Variants in TTLL7 observed in about 807,000 individuals in gnomAD.
TTLL7 encodes the protein tubulin tyrosine ligase like 7, also known as tubulin polyglutamylase TTLL7.
Under a neutral mutation model 120.2 loss-of-function variants are expected in TTLL7, and 53 were observed. That is an observed-to-expected ratio of 0.44 (90% CI 0.35 to 0.55). The LOEUF (loss-of-function observed/expected upper bound fraction) is 0.55, where lower values mean the gene tolerates loss of function less well. Among genes scored for constraint, TTLL7 ranks in the 20% least tolerant of loss-of-function variants. The probability of loss-of-function intolerance (pLI) is 0.00; values close to 1 mark genes in which losing one functional copy is unlikely to be tolerated. For synonymous variants in TTLL7, 353 were observed against 351.7 expected, an observed-to-expected ratio of 1.00 and a Z score of -0.04; for missense variants, 803 against 1,054.7, an observed-to-expected ratio of 0.76 and a Z score of 3.31.
intron 7 of TTLL7, among the ~76,000 whole-genome samples, chr1:83,941,798 AAT>A (rs1234017755): frequency 3.3e-5 from 5 of 152,206 alleles, no homozygotes; most frequent in African/African-American, 1.2e-4. Context: ...AACTTTTATA[AAT>A]ATGTTATGGC....
chr1:83,898,892 T>TA (rs913689848), intron 18 of TTLL7, among the ~76,000 whole-genome samples: 1 of 151,708 alleles, frequency 6.6e-6, no homozygotes, highest in African/African-American at 2.4e-5. Context: ...GTAGAAAAAA[T>TA]TTTTTTTAAA....
At chr1:83,916,648 A>C (rs1239044418) in intron 14 of TTLL7, among the ~76,000 whole-genome samples, 1 of 152,228 alleles carries the variant, frequency 6.6e-6, no homozygotes, top group Non-Finnish European at 1.5e-5. Context: ...AATTTTAAAA[A>C]AAAGAAAATA....
chr1:83,990,584 C>A (rs141711506), intron 1 of TTLL7, among the ~76,000 whole-genome samples: 1 of 152,100 alleles, frequency 6.6e-6, no homozygotes, highest in Non-Finnish European at 1.5e-5. Flanking sequence ...TACAAATGAC[C>A]AATAAGCAAA....
intron 19 of TTLL7, among the ~76,000 whole-genome samples, chr1:83,888,538 T>C (rs541607312): frequency 7.2e-5 from 11 of 152,108 alleles, no homozygotes; most frequent in African/African-American, 2.6e-4. Flanking sequence ...AATAGAACAG[T>C]CTGTTAAGGT....
At chr1:83,944,903 T>C (rs1431541537) in intron 6 of TTLL7, among the ~76,000 whole-genome samples, 2 of 152,208 alleles carry the variant, frequency 1.3e-5, no homozygotes, top group Non-Finnish European at 2.9e-5. Flanking sequence ...AAAGTTTTTA[T>C]ACACTACTGA....
At chr1:83,888,636 T>C (rs1211009377) in intron 19 of TTLL7, among the ~76,000 whole-genome samples, 3 of 151,932 alleles carry the variant, frequency 2.0e-5, no homozygotes, top group Non-Finnish European at 4.4e-5. Context: ...CAGAAAGCCA[T>C]CTAATCAGAT....
chr1:83,894,093 CTAA>C (rs1656016962), intron 18 of TTLL7, among the ~76,000 whole-genome samples: 1 of 152,048 alleles, frequency 6.6e-6, no homozygotes, highest in Non-Finnish European at 1.5e-5. Context: ...GTGCTCATGA[CTAA>C]TGTGATATAA....
intron 1 of TTLL7, among the ~76,000 whole-genome samples, chr1:83,958,201 T>A (rs779712897): frequency 2.0e-5 from 3 of 152,178 alleles, no homozygotes; most frequent in Non-Finnish European, 4.4e-5. Flanking sequence ...TAGATTATTA[T>A]CCTCATTGAT....
chr1:83,925,115 T>A (rs1172998000), intron 10 of TTLL7, among the ~76,000 whole-genome samples: 2 of 152,170 alleles, frequency 1.3e-5, no homozygotes, highest in African/African-American at 4.8e-5. Context: ...AGTCCAACTG[T>A]GTGATCTCAT....
intron 14 of TTLL7, among the ~76,000 whole-genome samples, chr1:83,916,727 T>C (rs182534961): frequency 1.6e-4 from 24 of 151,914 alleles, no homozygotes; most frequent in Admixed American, 9.2e-4. Context: ...TGGAATAGAA[T>C]GAAAAAAAAA....
At chr1:83,926,205 A>G (rs562769779) in intron 10 of TTLL7, among the ~76,000 whole-genome samples, 8 of 152,254 alleles carry the variant, frequency 5.3e-5, no homozygotes, top group African/African-American at 1.9e-4. Context: ...CAGAGAAAAA[A>G]ATAATAAACC....
chr1:83,994,605 G>A (rs1236397388), intron 1 of TTLL7, among the ~76,000 whole-genome samples: 1 of 152,240 alleles, frequency 6.6e-6, no homozygotes, highest in Non-Finnish European at 1.5e-5. Flanking sequence ...GAGAAGAGAT[G>A]TTGGGAACTT....
intron 1 of TTLL7, among the ~76,000 whole-genome samples, chr1:83,957,608 A>C (rs1337455007): frequency 6.6e-6 from 1 of 152,186 alleles, no homozygotes; most frequent in Non-Finnish European, 1.5e-5. Context: ...GCACAAAGTC[A>C]CACATCTAAT....
intron 18 of TTLL7, chr1:83,902,305 C>T (rs981176786): frequency 2.0e-5 from 3 of 151,860 alleles, no homozygotes; most frequent in African/African-American, 7.2e-5. Context: ...CACCACATTT[C>T]CCTTTCCCCT....
At chr1:83,942,402 G>A in intron 7 of TTLL7, 61 bp downstream of exon 7, 1 of 1,398,894 alleles carries the variant, frequency 7.1e-7, no homozygotes, top group Non-Finnish European at 1.0e-6. Flanking sequence ...CCTAATGGAT[G>A]CTTTAAAAAG....
intron 20 of TTLL7, chr1:83,882,532 A>T (rs979152735): frequency 3.3e-5 from 5 of 152,410 alleles, no homozygotes; most frequent in African/African-American, 1.2e-4. Flanking sequence ...TACCTCCTAC[A>T]TATTTGGTAA....
At chr1:83,873,119 G>A (rs1452289875) in intron 20 of TTLL7, among the ~76,000 whole-genome samples, 2 of 152,092 alleles carry the variant, frequency 1.3e-5, no homozygotes, top group Non-Finnish European at 2.9e-5. Flanking sequence ...CTAGAAAGTA[G>A]AAAGATATTA....
intron 3 of TTLL7, among the ~76,000 whole-genome samples, chr1:83,951,628 T>G (rs1449638795): frequency 6.6e-6 from 1 of 152,236 alleles, no homozygotes; most frequent in African/African-American, 2.4e-5. Context: ...GTGTTTGAAC[T>G]GAAATTTTAG....
chr1:83,969,354 T>C (rs1650762357), intron 1 of TTLL7, among the ~76,000 whole-genome samples: 1 of 151,970 alleles, frequency 6.6e-6, no homozygotes, highest in Non-Finnish European at 1.5e-5. Flanking sequence ...TTACAACTAA[T>C]ATCTCATATA....
Sources: allele counts gnomAD v4.1 joint callset (sites outside exome capture counted in the v4.1 genomes callset), GRCh38; gene constraint gnomAD v4.1.1; transcripts MANE v1.5; gene names NCBI Gene and HGNC (gene_info 2026-07-23, HGNC 2026-07-21).